Variants in DLG2 observed in about 807,000 individuals in gnomAD.
DLG2 encodes disks large homolog 2.
Under a neutral mutation model 132.5 loss-of-function variants are expected in DLG2, and 45 were observed. That is an observed-to-expected ratio of 0.34 (90% confidence interval 0.27 to 0.44). The LOEUF (loss-of-function observed/expected upper bound fraction) is 0.44, where lower values mean the gene tolerates loss of function less well. Ranked by LOEUF, DLG2 falls within the 20% of genes least tolerant of loss-of-function variation. The pLI, the probability that DLG2 is intolerant of heterozygous loss-of-function variation, is 1.00. For synonymous variants in DLG2, 424 were observed against 419.6 expected (o/e 1.01, Z -0.13); for missense variants, 1,045 against 1,196.9 (o/e 0.87, Z 1.87).
Position 83,497,750 on chromosome 11 carries a change from C to T in DLG2, c.2194-13522G>A, listed in dbSNP as rs141386067. ...GCTTGTATGCATTTTTTCATAGTGT[C>T]ACATTTTCAGCTCTATCTATTGTCC... is the stretch of plus-strand genomic sequence containing the variant. On this transcript the variant is annotated intron_variant, in intron 21 of 27. Transcript: ENST00000376104. 5.6e-3 allele frequency among the ~76,000 whole-genome samples: 854 copies of T among 151,902 alleles called. 12 individuals are homozygous for T. Among genetic ancestry groups the T allele is most frequent in the African/African-American group, 0.019 (804 of 41,448 alleles).
At chr11:83,589,084 G>A (rs10898141) in intron 19 of DLG2, among the ~76,000 whole-genome samples, 65,587 of 145,346 alleles carry the variant, frequency 0.45, 15,191 homozygotes, top group Admixed American at 0.55. Context: ...TTATCCAGGA[G>A]AACTTCCCCA....
At chr11:83,621,341 A>G (rs76950412) in intron 19 of DLG2, among the ~76,000 whole-genome samples, 5,645 of 152,072 alleles carry the variant, frequency 0.037, 358 homozygotes, top group African/African-American at 0.13. Flanking sequence ...TGGCAATGAC[A>G]TATGGGAAGG....
intron 15 of DLG2, among the ~76,000 whole-genome samples, chr11:83,907,044 A>G (rs61901823): frequency 0.097 from 14,717 of 152,228 alleles, 842 homozygotes; most frequent in Middle Eastern, 0.2. Flanking sequence ...AATCAGAAAA[A>G]GATCCATGTA....
chr11:85,146,806 C>A (rs2076891157), intron 5 of DLG2, among the ~76,000 whole-genome samples: 1 of 152,170 alleles, frequency 6.6e-6, no homozygotes, highest in African/African-American at 2.4e-5. Context: ...CCAAGGACTG[C>A]AAACCTTGTT....
intron 6 of DLG2, among the ~76,000 whole-genome samples, chr11:84,883,427 T>C (rs1361073195): frequency 6.6e-6 from 1 of 151,792 alleles, no homozygotes; most frequent in Non-Finnish European, 1.5e-5. Context: ...TATACCTGTA[T>C]AACAAACCAG....
At chr11:84,959,204 G>T (rs1299358146) in intron 6 of DLG2, among the ~76,000 whole-genome samples, 1 of 152,166 alleles carries the variant, frequency 6.6e-6, no homozygotes, top group African/African-American at 2.4e-5. Context: ...CATGGGCTTG[G>T]AGGCTTCACA....
chr11:85,471,369 T>C (rs1489511447), intron 3 of DLG2, among the ~76,000 whole-genome samples: 1 of 151,882 alleles, frequency 6.6e-6, no homozygotes, highest in Non-Finnish European at 1.5e-5. Flanking sequence ...CCATGAAAAA[T>C]AGCCGACCTA....
intron 7 of DLG2, among the ~76,000 whole-genome samples, chr11:84,420,201 G>A (rs1409982413): frequency 1.3e-5 from 2 of 152,134 alleles, no homozygotes; most frequent in Non-Finnish European, 2.9e-5. Context: ...GGTGAAACAA[G>A]TAAAACTCAG....
intron 6 of DLG2, among the ~76,000 whole-genome samples, chr11:85,054,039 G>T (rs566031354): frequency 6.6e-6 from 1 of 151,940 alleles, no homozygotes; most frequent in East Asian, 1.9e-4. Flanking sequence ...GGCTGAGGCG[G>T]GTGGATCACA....
intron 6 of DLG2, among the ~76,000 whole-genome samples, chr11:84,609,587 G>A (rs1364641894): frequency 3.3e-5 from 5 of 152,064 alleles, no homozygotes; most frequent in South Asian, 2.1e-4. Flanking sequence ...TCCAACTGCC[G>A]ATGATTAACA....
chr11:84,993,163 C>T (rs1021065410), intron 6 of DLG2, among the ~76,000 whole-genome samples: 1 of 152,132 alleles, frequency 6.6e-6, no homozygotes. Context: ...AACAGAGGAA[C>T]AGAAAACCAA....
At chr11:85,594,492 C>T (rs1439718838) in intron 3 of DLG2, among the ~76,000 whole-genome samples, 3 of 152,052 alleles carry the variant, frequency 2.0e-5, no homozygotes, top group Non-Finnish European at 4.4e-5. Context: ...CCCTCACACA[C>T]TGGGAAGAAA....
chr11:83,822,942 G>A (rs1157816220), intron 17 of DLG2, among the ~76,000 whole-genome samples: 1 of 152,042 alleles, frequency 6.6e-6, no homozygotes, highest in Non-Finnish European at 1.5e-5. Context: ...GAGTCAAACA[G>A]GCTTTGAGTT....
At chr11:84,868,089 C>A (rs1566206363) in intron 6 of DLG2, among the ~76,000 whole-genome samples, 1 of 146,872 alleles carries the variant, frequency 6.8e-6, no homozygotes, top group Non-Finnish European at 1.5e-5. Context: ...AATAATAATT[C>A]TTATTAATAA....
intron 18 of DLG2, among the ~76,000 whole-genome samples, chr11:83,680,292 T>C (rs1169838247): frequency 6.6e-6 from 1 of 152,154 alleles, no homozygotes; most frequent in Non-Finnish European, 1.5e-5. Context: ...GAGTGTGGCG[T>C]GTAATTTTAA....
intron 18 of DLG2, among the ~76,000 whole-genome samples, chr11:83,668,068 T>TAAAAAAAAAAAAAAAAAAAAAGAAGA (rs2076036852): frequency 1.3e-5 from 1 of 79,712 alleles, no homozygotes; most frequent in Non-Finnish European, 2.5e-5. Flanking sequence ...GGAAATGAAG[T>TAAAAAAAAAAAAAAAAAAAAAGAAGA]AAAAAAAAAA....
intron 6 of DLG2, among the ~76,000 whole-genome samples, chr11:85,099,957 C>G (rs1439554640): frequency 6.6e-6 from 1 of 152,172 alleles, no homozygotes; most frequent in African/African-American, 2.4e-5. Context: ...AAGGCTAGAA[C>G]ATATTTTCCA....
At chr11:85,312,514 CATT>C (rs2080380387) in intron 3 of DLG2, among the ~76,000 whole-genome samples, 1 of 151,620 alleles carries the variant, frequency 6.6e-6, no homozygotes, top group Non-Finnish European at 1.5e-5. Flanking sequence ...TGATAATGAT[CATT>C]GTTTTTATTG....
At chr11:85,424,966 C>T (rs1597218172) in intron 3 of DLG2, among the ~76,000 whole-genome samples, 1 of 152,184 alleles carries the variant, frequency 6.6e-6, no homozygotes, top group African/African-American at 2.4e-5. Flanking sequence ...CCTGAACTGA[C>T]TAAGAAAGTT....
Sources: allele counts gnomAD v4.1 joint callset (sites outside exome capture counted in the v4.1 genomes callset), GRCh38; gene constraint gnomAD v4.1.1; transcripts MANE v1.5; gene names NCBI Gene and HGNC (gene_info 2026-07-23, HGNC 2026-07-21).